The following CLMP variants were observed in gnomAD, a reference collection of about 807,000 sequenced individuals.
CLMP encodes the protein CXADR-like membrane protein.
CLMP carries 27 observed loss-of-function variants against 45.2 expected under a neutral mutation model. The ratio of observed to expected loss-of-function variants is 0.60; its 90% CI spans 0.44 to 0.82. CLMP has a LOEUF of 0.82. Ranked by LOEUF, CLMP falls within the 40% of genes least tolerant of loss-of-function variation. The pLI, the probability that CLMP is intolerant of heterozygous loss-of-function variation, is 0.00. For synonymous variants in CLMP, 167 were observed against 171.4 expected (o/e 0.97, Z 0.20); for missense variants, 403 against 448.4 (o/e 0.90, Z 0.91).
At chr11:123,110,453 G>GAA (rs386375126) in intron 1 of CLMP, among the ~76,000 whole-genome samples, 1,558 of 133,060 alleles carry the variant, frequency 0.012, 30 homozygotes, top group African/African-American at 0.04. Flanking sequence ...GACTCCGTCA[G>GAA]AAAAAAAAAA....
intron 1 of CLMP, among the ~76,000 whole-genome samples, chr11:123,166,149 C>G (rs1429373861): frequency 1.3e-5 from 2 of 152,020 alleles, no homozygotes; most frequent in Non-Finnish European, 2.9e-5. Flanking sequence ...CTTTCCGCAT[C>G]GTGAGGCTTC....
intron 5 of CLMP, among the ~76,000 whole-genome samples, chr11:123,080,508 G>A (rs1033938127): frequency 6.6e-6 from 1 of 152,078 alleles, no homozygotes; most frequent in Non-Finnish European, 1.5e-5. Flanking sequence ...TCTATTTTTA[G>A]TAGAGATGGG....
intron 1 of CLMP, among the ~76,000 whole-genome samples, chr11:123,140,546 C>T (rs1448035024): frequency 4.6e-5 from 7 of 152,086 alleles, no homozygotes; most frequent in African/African-American, 1.7e-4. Flanking sequence ...TTCCACCTGC[C>T]TCCATCTTAT....
chr11:123,175,516 A>G (rs548441108), intron 1 of CLMP, among the ~76,000 whole-genome samples: 22 of 152,282 alleles, frequency 1.4e-4, no homozygotes, highest in African/African-American at 4.8e-4. Flanking sequence ...GAGCCAAAGA[A>G]TATCACAAGG....
intron 1 of CLMP, among the ~76,000 whole-genome samples, chr11:123,132,544 C>T (rs549874612): frequency 1.9e-4 from 29 of 152,152 alleles, no homozygotes; most frequent in African/African-American, 4.6e-4. Context: ...CGGCAACCTC[C>T]GCCTCTTGGG....
intron 1 of CLMP, among the ~76,000 whole-genome samples, chr11:123,194,648 A>G (rs1861954312): frequency 1.3e-5 from 2 of 152,124 alleles, no homozygotes; most frequent in Non-Finnish European, 2.9e-5. Flanking sequence ...TACACCAGAA[A>G]CTAAACACCG....
intron 5 of CLMP, among the ~76,000 whole-genome samples, chr11:123,082,495 G>GAAAT (rs1010773037): frequency 2.8e-4 from 42 of 152,136 alleles, no homozygotes; most frequent in African/African-American, 1.0e-3. Flanking sequence ...TTTTAGTAGA[G>GAAAT]ATGGGGTTTC....
intron 5 of CLMP, among the ~76,000 whole-genome samples, chr11:123,081,058 C>T (rs563222309): frequency 8.6e-5 from 13 of 151,878 alleles, no homozygotes; most frequent in Non-Finnish European, 1.2e-4. Flanking sequence ...GAGGCTGAAG[C>T]GGGAGAATCG....
chr11:123,122,242 T>C (rs1189111692), intron 1 of CLMP, among the ~76,000 whole-genome samples: 1 of 152,190 alleles, frequency 6.6e-6, no homozygotes, highest in Non-Finnish European at 1.5e-5. Flanking sequence ...TCTTGAACTC[T>C]TGGGTTCAAG....
chr11:123,135,138 T>C (rs924211090), intron 1 of CLMP, among the ~76,000 whole-genome samples: 9 of 151,534 alleles, frequency 5.9e-5, no homozygotes, highest in African/African-American at 2.2e-4. Flanking sequence ...CAGGCGCCTG[T>C]AATCCCAGTT....
At chr11:123,130,221 G>A (rs147399235) in intron 1 of CLMP, among the ~76,000 whole-genome samples, 1,714 of 152,266 alleles carry the variant, frequency 0.011, 12 homozygotes, top group East Asian at 0.02. Context: ...GAAACTCTGG[G>A]AACTTTACAG....
At chr11:123,131,627 T>G (rs1860989965) in intron 1 of CLMP, among the ~76,000 whole-genome samples, 1 of 145,196 alleles carries the variant, frequency 6.9e-6, no homozygotes, top group African/African-American at 2.6e-5. Context: ...CTTTTCTATT[T>G]TTTTTGAAAT....
In CLMP at chr11:123,074,894, ATATGT is replaced by A. The variant is rs200955566; in HGVS notation, c.680-56_680-52del. On this transcript the variant is annotated intron_variant, in intron 5 of 6. Transcript: ENST00000448775. ...AGTAAAACCAAACGTAAGCTAGGAAATATGTTATTAACTCAAAAAACATAAGCTCT... is the reference window on the plus strand; with the variant it reads ...AGTAAAACCAAACGTAAGCTAGGAAATATTAACTCAAAAAACATAAGCTCT... 2,496 of 1,583,764 alleles carry A rather than the reference ATATGT, an allele frequency of 1.6e-3. 31 individuals carry two copies. The African/African-American group carries it at 0.029, about 18-fold the overall frequency.
At chr11:123,157,038 A>G (rs1398319069) in intron 1 of CLMP, among the ~76,000 whole-genome samples, 2 of 152,238 alleles carry the variant, frequency 1.3e-5, no homozygotes, top group Non-Finnish European at 2.9e-5. Flanking sequence ...CAGAGGTTAA[A>G]AGCTTGGGGC....
chr11:123,186,130 A>G (rs1176824103), intron 1 of CLMP, among the ~76,000 whole-genome samples: 1 of 152,240 alleles, frequency 6.6e-6, no homozygotes, highest in Non-Finnish European at 1.5e-5. Context: ...CAAGCTGTAC[A>G]GCCTAGGATG....
chr11:123,150,485 AAGGAAGGAAGGAAGGAAGG>A (rs1861309452), intron 1 of CLMP, among the ~76,000 whole-genome samples: 6 of 109,986 alleles, frequency 5.5e-5, no homozygotes, highest in African/African-American at 2.2e-4. Context: ...GAAAGAAAGG[AAGGAAGGAAGGAAGGAAGG>A]AAGGAAGGAA....
chr11:123,126,405 T>C (rs909163646), intron 1 of CLMP, among the ~76,000 whole-genome samples: 1 of 152,180 alleles, frequency 6.6e-6, no homozygotes, highest in African/African-American at 2.4e-5. Context: ...AATTTATCAA[T>C]ATATTAATCA....
intron 1 of CLMP, among the ~76,000 whole-genome samples, chr11:123,120,734 C>T (rs1860802821): frequency 1.3e-5 from 2 of 152,100 alleles, no homozygotes; most frequent in South Asian, 4.1e-4. Flanking sequence ...CATTATGTCT[C>T]TCAGGATATT....
chr11:123,130,779 T>C (rs1336607132), intron 1 of CLMP, among the ~76,000 whole-genome samples: 1 of 151,772 alleles, frequency 6.6e-6, no homozygotes, highest in Non-Finnish European at 1.5e-5. Context: ...AACACCGTCA[T>C]AGCAAAAAGT....
Sources: gnomAD v4.1 joint callset for allele counts (sites outside exome capture counted in the v4.1 genomes callset) on GRCh38, gnomAD v4.1.1 for gene constraint, MANE v1.5 for transcripts, NCBI Gene and HGNC (gene_info 2026-07-23, HGNC 2026-07-21) for gene names.